TJP3: variants seen among roughly 807,000 people sequenced by gnomAD.
TJP3 encodes the protein tight junction protein 3, also known as tight junction protein ZO-3.
Under a neutral mutation model 104.2 loss-of-function variants are expected in TJP3, and 85 were observed. That is an observed-to-expected ratio of 0.82 (90% CI 0.68 to 0.98). The LOEUF (loss-of-function observed/expected upper bound fraction) is 0.98, where lower values mean the gene tolerates loss of function less well. TJP3 is among the 50% of genes least tolerant of loss of function. The pLI is 0.00. For missense variants in TJP3, 1,367 were observed against 1,322.8 expected, an observed-to-expected ratio of 1.03 and a Z score of -0.52; for synonymous variants, 550 against 550.6, an observed-to-expected ratio of 1.00 and a Z score of 0.02.
In TJP3 at chr19:3,746,560, GTCT is replaced by G. The variant is rs1276211655; in HGVS notation, c.2092_2094del (p.Phe698del). 6 of 1,614,032 alleles carry G rather than the reference GTCT, an allele frequency of 3.7e-6. No individual in the cohort carries two copies. In the South Asian group the frequency reaches 6.6e-5, roughly 18 times the overall value. On this transcript the variant is annotated inframe_deletion, in exon 17 of 21. Coordinates refer to ENST00000541714, the MANE Select transcript of TJP3 (RefSeq NM_001267560.2). This position sits in a 1 kb window ranked among gnomAD's most constrained non-coding sequence, Gnocchi z 4.1. Reference sequence around the variant, plus strand: ...CTATGTGCAGTACTACCCCATTGTGGTCTTCTTCATCCCCGAGAGCCGGCCGGC... The same window carrying G: ...CTATGTGCAGTACTACCCCATTGTGGTCTTCATCCCCGAGAGCCGGCCGGC...
chr19:3,718,649 A>G (rs1242652780), intron 1 of TJP3, among the ~76,000 whole-genome samples: 3 of 151,338 alleles, frequency 2.0e-5, no homozygotes, highest in African/African-American at 4.8e-5. Context: ...TTGTATTTTC[A>G]GTAGAGACAG....
chr19:3,728,369 T>C, intron 1 of TJP3, 55 bp from the exon 2 acceptor site: 1 of 1,613,714 alleles, frequency 6.2e-7, no homozygotes, highest in African/African-American at 1.3e-5. Context: ...GACCCCCAAG[T>C]GCTCAGATGA....
chr19:3,724,023 G>A (rs1168119086), intron 1 of TJP3, among the ~76,000 whole-genome samples: 1 of 151,026 alleles, frequency 6.6e-6, no homozygotes, highest in African/African-American at 2.5e-5. Context: ...ACTAAGATGA[G>A]GTGGGCTGTG....
chr19:3,746,215 C>T lies in TJP3; in HGVS notation c.2010+134C>T. On this transcript the variant is annotated intron_variant, in intron 16 of 20. Transcript: ENST00000541714. The surrounding 1 kb of genome is among the most constrained non-coding windows in gnomAD (Gnocchi z 4.1). ...TCTTCCATAGAGCCCCTTTTGGAGG[C>T]TTTGTGAGGCAGGAGGCCCGAGACA... 1 of 951,408 alleles carries T rather than the reference C, an allele frequency of 1.1e-6. No homozygotes were observed. 58.9% of individuals were successfully genotyped at this position (951,408 alleles called of 1,614,324 possible).
At chr19:3,722,716 C>T (rs1016449057) in intron 1 of TJP3, among the ~76,000 whole-genome samples, 2 of 152,050 alleles carry the variant, frequency 1.3e-5, no homozygotes, top group African/African-American at 4.8e-5. Flanking sequence ...CCACTCCGCC[C>T]CAAGCTTCAG....
chr19:3,741,771 C>T (rs954322931), intron 14 of TJP3, among the ~76,000 whole-genome samples: 2 of 149,776 alleles, frequency 1.3e-5, no homozygotes, highest in African/African-American at 2.5e-5. Flanking sequence ...GAGCTCTAGA[C>T]CAGCCTGGCC....
At chr19:3,708,886 G>A (rs1268617853) in intron 1 of TJP3, among the ~76,000 whole-genome samples, 1 of 152,186 alleles carries the variant, frequency 6.6e-6, no homozygotes. Context: ...AACTGAGGAG[G>A]GGAGGGGATA....
chr19:3,745,460 C>A (rs139055029), intron 15 of TJP3, among the ~76,000 whole-genome samples: 2,052 of 152,002 alleles, frequency 0.013, 17 homozygotes, highest in Non-Finnish European at 0.021. Context: ...ACGTTTTTAA[C>A]CACAAAAACA....
At chr19:3,727,447 C>A (rs1054068986) in intron 1 of TJP3, among the ~76,000 whole-genome samples, 1 of 145,732 alleles carries the variant, frequency 6.9e-6, no homozygotes, top group African/African-American at 2.6e-5. Context: ...CACGCCATTG[C>A]ACTCCAGCCT....
chr19:3,717,983 A>T, intron 1 of TJP3, among the ~76,000 whole-genome samples: 1 of 150,212 alleles, frequency 6.7e-6, no homozygotes, highest in East Asian at 2.0e-4. Flanking sequence ...AGGGAGGCCG[A>T]GGGGGGCGGA....
chr19:3,717,386 C>A (rs1376668588), intron 1 of TJP3, among the ~76,000 whole-genome samples: 2 of 145,964 alleles, frequency 1.4e-5, no homozygotes, highest in South Asian at 2.3e-4. Context: ...AGGCGTGAGC[C>A]ACTGTGCCCA....
At chr19:3,718,212 AGTGTGTGTGTGTGTGTGTGT>A (rs71339057) in intron 1 of TJP3, among the ~76,000 whole-genome samples, 1 of 48,272 alleles carries the variant, frequency 2.1e-5, no homozygotes, top group South Asian at 7.7e-4. Flanking sequence ...AAAAAAAAAA[AGTGTGTGTGTGTGTGTGTGT>A]GTGTGTGTGT....
Position 3,730,563 on chromosome 19 carries a change from C to T in TJP3, c.470C>T (p.Ala157Val). The change falls in exon 5 of 21, where the codon GCC becomes GTC. Residue 157 changes from alanine (A) to valine (V), a missense_variant. Transcript: ENST00000541714. This position sits in a 1 kb window ranked among gnomAD's most constrained non-coding sequence, Gnocchi z 7.3. The stretch of plus-strand genomic sequence containing the variant: ...CCGAGGCCTGGTCGCCGGGGCCGGG[C>T]CGGCAGCCATGGGCGTAGGAGCCCA... ...RRPRPGRRGR[A>V]GSHGRRSPGG... is the part of the protein sequence containing the mutation. 6.2e-7 allele frequency: 1 copy of T among 1,606,208 alleles called. No individual in the cohort carries two copies.
chr19:3,739,211 G>A, intron 13 of TJP3, 77 bp downstream of exon 13: 1 of 1,354,744 alleles, frequency 7.4e-7, no homozygotes, highest in East Asian at 2.4e-5. Context: ...GCTCGATTGG[G>A]CTGGACGCGG....
rs370502572 is a variant in TJP3, at chr19:3,740,591, C to G, written c.1671C>G (p.Ala557=). The change falls in exon 14 of 21, where the codon GCC becomes GCG. Residue 557 remains alanine, a synonymous_variant. Coordinates refer to ENST00000541714, the MANE Select transcript of TJP3 (RefSeq NM_001267560.2). ...QLASLEAAQR[A]VGVGPGSSAG... ...CCAGCCTGGAAGCTGCCCAGAGGGCCGTGGGAGTCGGGCCCGGCTCCTCCG... is the reference window on the plus strand; with the variant it reads ...CCAGCCTGGAAGCTGCCCAGAGGGCGGTGGGAGTCGGGCCCGGCTCCTCCG... The G allele has an allele frequency of 3.9e-6, 6 of 1,538,518 alleles. No individual in the cohort carries two copies. The South Asian group carries it at 5.0e-5, about 13-fold the overall frequency.
At chr19:3,709,591 C>T (rs2036414878) in intron 1 of TJP3, among the ~76,000 whole-genome samples, 1 of 152,134 alleles carries the variant, frequency 6.6e-6, no homozygotes, top group South Asian at 2.1e-4. Context: ...AAGTCTCTCT[C>T]CAGAACCAAG....
intron 19 of TJP3, 78 bp from the exon 20 acceptor site, chr19:3,750,060 G>A: frequency 6.3e-7 from 1 of 1,585,756 alleles, no homozygotes; most frequent in Admixed American, 1.7e-5. Flanking sequence ...GGTGGGGGAT[G>A]GGATGGAGGT....
At chr19:3,712,636 C>T (rs1428096818) in intron 1 of TJP3, among the ~76,000 whole-genome samples, 4 of 152,088 alleles carry the variant, frequency 2.6e-5, no homozygotes, top group Non-Finnish European at 5.9e-5. Flanking sequence ...AGAGCTCAGC[C>T]GTCCTCCCTT....
rs1470663341 is a variant in TJP3 at position 3,739,134 on chromosome 19, G to A, written c.1631G>A (p.Arg544Lys). 9.8e-6 allele frequency: 15 copies of A among 1,536,462 alleles called. No individual in the cohort carries two copies. Among genetic ancestry groups the A allele is most frequent in the Non-Finnish European group, 1.1e-5 (13 of 1,140,216 alleles). ...QERGIIPNQS[R>K]AEQLASLEAA... ...CGGGGCATCATTCCCAACCAGAGCA[G>A]GTGGGGACTGTGTGCTCCTGCAGTG... Residue 544 changes from arginine to lysine, a missense_variant and splice_region_variant, in exon 13 of 21, where the codon AGG becomes AAG. By Grantham distance (26) the Arg-to-Lys change is conservative. Transcript: ENST00000541714.
Sources: gnomAD v4.1 joint callset for allele counts (sites outside exome capture counted in the v4.1 genomes callset) on GRCh38, gnomAD v4.1.1 for gene constraint, Gnocchi (gnomAD v3.1) non-coding constraint, MANE v1.5 for transcripts, NCBI Gene and HGNC (gene_info 2026-07-23, HGNC 2026-07-21) for gene names.